IL2RA: variants seen among roughly 807,000 people sequenced by gnomAD.
IL2RA encodes the protein interleukin-2 receptor subunit alpha.
A neutral mutation model predicts 37.8 loss-of-function variants in IL2RA; 24 were observed. The ratio of observed to expected loss-of-function variants is 0.63; its 90% CI spans 0.46 to 0.89. The LOEUF (loss-of-function observed/expected upper bound fraction) is 0.89. Among genes scored for constraint, IL2RA ranks in the 40% least tolerant of loss-of-function variants. The pLI is 0.00. For synonymous variants in IL2RA, 125 were observed against 114.6 expected (o/e 1.09, Z -0.58); for missense variants, 319 against 348.6 (o/e 0.92, Z 0.68).
Position 6,058,771 on chromosome 10 carries a change from A to C in IL2RA, c.64+3317T>G, listed in dbSNP as rs1229050679. ...ATCAAGGGACATACAAGCTCTCAGA[A>C]TTTCCACAGTTCTGAGAAAGGTGCC... On this transcript the variant is annotated intron_variant, in intron 1 of 7. Coordinates refer to ENST00000379959, the MANE Select transcript of IL2RA (RefSeq NM_000417.3). The surrounding 1 kb of genome is among the most constrained non-coding windows in gnomAD (Gnocchi z 4.2). Among the ~76,000 whole-genome samples the C allele has an allele frequency of 1.3e-5, 2 of 152,202 alleles. No individual in the cohort carries two copies. The highest frequency in any genetic ancestry group is 4.8e-5 in the African/African-American group (2 of 41,450).
Position 6,020,082 on chromosome 10 carries a change from C to A in IL2RA, c.584-141G>T. On this transcript the variant is annotated intron_variant, in intron 4 of 7. Transcript: ENST00000379959. This position sits in a 1 kb window ranked among gnomAD's most constrained non-coding sequence, Gnocchi z 5.6. ...GGTGTGGGCACTTCGCCAGGGATGC[C>A]ACCCCTCATGGTTCCACAGCAGGGG... 4 of 698,918 alleles carry A rather than the reference C, an allele frequency of 5.7e-6. No homozygotes were observed. Among genetic ancestry groups the A allele is most frequent in the Non-Finnish European group, 1.0e-5 (4 of 388,968 alleles). 43.3% of individuals were successfully genotyped at this position (698,918 alleles called of 1,614,324 possible).
At chr10:6,042,188 A>T (rs12722648) in intron 1 of IL2RA, among the ~76,000 whole-genome samples, 1 of 136,996 alleles carries the variant, frequency 7.3e-6, no homozygotes, top group African/African-American at 2.7e-5. Context: ...GTCAGAGTTT[A>T]TCCCAGCAAT....
intron 1 of IL2RA, among the ~76,000 whole-genome samples, chr10:6,052,652 C>A (rs1035276686): frequency 3.3e-5 from 5 of 152,130 alleles, no homozygotes; most frequent in African/African-American, 4.8e-5. Context: ...CCCCCCCTCA[C>A]GCCTCAGAGG....
At chr10:6,052,069 A>G (rs1447849359) in intron 1 of IL2RA, among the ~76,000 whole-genome samples, 1 of 151,674 alleles carries the variant, frequency 6.6e-6, no homozygotes, top group East Asian at 1.9e-4. Context: ...TTATTAAAGG[A>G]ATTGAAATAC....
rs1839367761 is a variant in IL2RA at position 6,020,568 on chromosome 10, C to CTGT, written c.584-630_584-628dup. ...TTTTTTTTTTTGAGACGGAGTCTTG[C>CTGT]TGTTGCCCAGGCTGGAGTGCAGTGG... On this transcript the variant is annotated intron_variant, in intron 4 of 7. Coordinates refer to ENST00000379959, the MANE Select transcript of IL2RA (RefSeq NM_000417.3). The surrounding 1 kb of genome is among the most constrained non-coding windows in gnomAD (Gnocchi z 5.6). Among the ~76,000 whole-genome samples, 2 of 151,486 alleles carry CTGT rather than the reference C, an allele frequency of 1.3e-5. No individual in the cohort carries two copies. The highest frequency in any genetic ancestry group is 4.9e-5 in the African/African-American group (2 of 41,160).
intron 1 of IL2RA, among the ~76,000 whole-genome samples, chr10:6,050,793 G>C (rs1291415587): frequency 6.6e-6 from 1 of 152,178 alleles, no homozygotes. Flanking sequence ...AGTGCAGGAC[G>C]AGGAGGAGGA....
At position 6,025,762 on chromosome 10, in the gene IL2RA, A is replaced by G; in HGVS notation, c.256+72T>C. On this transcript the variant is annotated intron_variant, in intron 2 of 7. Transcript: ENST00000379959. The surrounding 1 kb of genome is among the most constrained non-coding windows in gnomAD (Gnocchi z 4.4). ...CATTTGTGTCTATAGGGCTGAGTGA[A>G]CAAAAGCTGGGCTCTGTCTCACTCT... is the stretch of plus-strand genomic sequence containing the variant. 6.9e-7 allele frequency: 1 copy of G among 1,456,736 alleles called. No homozygotes were observed. Among genetic ancestry groups the G allele is most frequent in the Non-Finnish European group, 9.6e-7 (1 of 1,038,632 alleles). The allele number at this position is 1,456,736 out of a possible 1,614,324, so 90.2% of individuals were successfully genotyped here. A position where few individuals can be genotyped will look rare whatever the true frequency, so the allele number is the denominator to read the frequency against.
Position 6,015,284 on chromosome 10 carries a change from G to C in IL2RA, c.795-2388C>G, listed in dbSNP as rs930199739. Among the ~76,000 whole-genome samples, 5 of 151,874 alleles carry C rather than the reference G, an allele frequency of 3.3e-5. No homozygotes were observed. The highest frequency in any genetic ancestry group is 3.9e-4 in the East Asian group (2 of 5,186). On this transcript the variant is annotated intron_variant, in intron 7 of 7. Coordinates refer to ENST00000379959, the MANE Select transcript of IL2RA (RefSeq NM_000417.3). This position sits in a 1 kb window ranked among gnomAD's most constrained non-coding sequence, Gnocchi z 4.9. ...ATTTTTGTATTTTTAGAAGAGACAG[G>C]GTTTCTCCATGTTGGCCAGGCTGGT... is the stretch of plus-strand genomic sequence containing the variant.
Position 6,014,042 on chromosome 10 carries a change from A to C in IL2RA, c.795-1146T>G, listed in dbSNP as rs1162165091. ...GAGACAAGGTCTCACTTTGTTGCCC[A>C]GGCTGGTCTCAAGCGAGCCTCTCAC... On this transcript the variant is annotated intron_variant, in intron 7 of 7. Coordinates refer to ENST00000379959, the MANE Select transcript of IL2RA (RefSeq NM_000417.3). The surrounding 1 kb of genome is among the most constrained non-coding windows in gnomAD (Gnocchi z 4.4). Among the ~76,000 whole-genome samples the C allele has an allele frequency of 6.6e-6, 1 of 152,080 alleles. No homozygotes were observed. The highest frequency in any genetic ancestry group is 1.5e-5 in the Non-Finnish European group (1 of 68,006).
intron 5 of IL2RA, 66 bp downstream of exon 5, chr10:6,019,804 G>T: frequency 6.9e-7 from 1 of 1,441,866 alleles, no homozygotes; most frequent in Non-Finnish European, 9.8e-7. Context: ...CCCTGAGCCT[G>T]GCTCCTGGTC....
intron 2 of IL2RA, 81 bp from the exon 3 acceptor site, chr10:6,024,435 G>T: frequency 9.7e-7 from 1 of 1,034,400 alleles, no homozygotes; most frequent in Non-Finnish European, 1.5e-6. Flanking sequence ...ATTCACTTGA[G>T]AAGCACACCT....
At chr10:6,013,147 C>T in intron 7 of IL2RA, among the ~76,000 whole-genome samples, 1 of 152,090 alleles carries the variant, frequency 6.6e-6, no homozygotes. Context: ...ATATGGCAGA[C>T]AATAGCTGTG....
intron 7 of IL2RA, chr10:6,017,312 G>C (rs1056707194): frequency 4.6e-5 from 7 of 152,712 alleles, no homozygotes; most frequent in Non-Finnish European, 8.8e-5. Flanking sequence ...GATAGGCAAA[G>C]CTCAGCATAG....
rs576600589 is a variant in IL2RA at position 6,058,928 on chromosome 10, G to T, written c.64+3160C>A. ...TCATAAACCCTTGCCATGTTAAATG[G>T]TGGCTTTGGAAATTTTCAGAATGAA... On this transcript the variant is annotated intron_variant, in intron 1 of 7. Transcript: ENST00000379959. This position sits in a 1 kb window ranked among gnomAD's most constrained non-coding sequence, Gnocchi z 4.2. 4.6e-5 allele frequency among the ~76,000 whole-genome samples: 7 copies of T among 152,290 alleles called. No homozygotes were observed. Among genetic ancestry groups the T allele is most frequent in the African/African-American group, 1.7e-4 (7 of 41,552 alleles).
In IL2RA at chr10:6,012,809, G is replaced by T; in HGVS notation, c.*63C>A. On this transcript the variant is annotated 3_prime_UTR_variant, in exon 8 of 8. Transcript: ENST00000379959. This position sits in a 1 kb window ranked among gnomAD's most constrained non-coding sequence, Gnocchi z 4.8. ...ATTTAGCACCTTTGATTTCACTTGG[G>T]CTTCATGACTTCTGTTGTCTGTTCC... 1 of 1,531,242 alleles carries T rather than the reference G, an allele frequency of 6.5e-7. No individual in the cohort carries two copies. Among genetic ancestry groups the T allele is most frequent in the Non-Finnish European group, 9.1e-7 (1 of 1,104,466 alleles). The allele number at this position is 1,531,242 out of a possible 1,614,324, so 94.9% of individuals were successfully genotyped here. A position where few individuals can be genotyped will look rare whatever the true frequency, so the allele number is the denominator to read the frequency against.
rs1839467524 is a variant in IL2RA, at chr10:6,025,508, T to C, written c.256+326A>G. On this transcript the variant is annotated intron_variant, in intron 2 of 7. Coordinates refer to ENST00000379959, the MANE Select transcript of IL2RA (RefSeq NM_000417.3). The surrounding 1 kb of genome is among the most constrained non-coding windows in gnomAD (Gnocchi z 4.4). ...CCATCTCTACTAAAAATGCAAAAATTAGCCAGGCATGGTGGAGGGTGCCTG... is the reference window on the plus strand; with the variant it reads ...CCATCTCTACTAAAAATGCAAAAATCAGCCAGGCATGGTGGAGGGTGCCTG... 6.6e-6 allele frequency among the ~76,000 whole-genome samples: 1 copy of C among 151,846 alleles called. No homozygotes were observed. The highest frequency in any genetic ancestry group is 2.4e-5 in the African/African-American group (1 of 41,304).
chr10:6,060,572 T>C (rs2132909630), intron 1 of IL2RA, among the ~76,000 whole-genome samples: 1 of 152,240 alleles, frequency 6.6e-6, no homozygotes, highest in South Asian at 2.1e-4. Flanking sequence ...CTGACCAATA[T>C]GGTGAAACCC....
chr10:6,035,369 G>T lies in IL2RA; in HGVS notation c.65-9344C>A, dbSNP rs1342337345. Among the ~76,000 whole-genome samples the T allele has an allele frequency of 6.6e-6, 1 of 152,236 alleles. No individual in the cohort carries two copies. The highest frequency in any genetic ancestry group is 1.5e-5 in the Non-Finnish European group (1 of 68,028). On this transcript the variant is annotated intron_variant, in intron 1 of 7. Coordinates refer to ENST00000379959, the MANE Select transcript of IL2RA (RefSeq NM_000417.3). This position sits in a 1 kb window ranked among gnomAD's most constrained non-coding sequence, Gnocchi z 5.4. ...GAGTGGGTGACTGGCGCCAGGCCAA[G>T]TTCTAGGTGGGCTTCCCAAAGCCAC...
Position 6,058,560 on chromosome 10 carries a change from A to G in IL2RA, c.64+3528T>C, listed in dbSNP as rs1840081969. Among the ~76,000 whole-genome samples the G allele has an allele frequency of 6.6e-6, 1 of 152,220 alleles. No homozygotes were observed. The highest frequency in any genetic ancestry group is 1.5e-5 in the Non-Finnish European group (1 of 68,046). The stretch of plus-strand genomic sequence containing the variant: ...TGAAAGATTAAATGTGAAGGGTTAA[A>G]CATTTTGTGTTTGACTGACAAAGGT... On this transcript the variant is annotated intron_variant, in intron 1 of 7. Coordinates refer to ENST00000379959, the MANE Select transcript of IL2RA (RefSeq NM_000417.3). This position sits in a 1 kb window ranked among gnomAD's most constrained non-coding sequence, Gnocchi z 4.2.
Sources: allele counts gnomAD v4.1 joint callset (sites outside exome capture counted in the v4.1 genomes callset), GRCh38; gene constraint gnomAD v4.1.1; non-coding constraint Gnocchi (gnomAD v3.1); transcripts MANE v1.5; gene names NCBI Gene and HGNC (gene_info 2026-07-23, HGNC 2026-07-21).